ARHGEF7: variants seen among roughly 807,000 people sequenced by gnomAD.
ARHGEF7 encodes Rho guanine nucleotide exchange factor 7, also known as PAK-interacting exchange factor beta.
Under a neutral mutation model 109.8 loss-of-function variants are expected in ARHGEF7, and 33 were observed. That is an observed-to-expected ratio of 0.30 (90% confidence interval 0.23 to 0.40). ARHGEF7 has a LOEUF of 0.40. ARHGEF7 is among the 10% of genes least tolerant of loss of function. The pLI is 1.00. For synonymous variants in ARHGEF7, 458 were observed against 424.6 expected (o/e 1.08, Z -0.97); for missense variants, 938 against 1,098.5 (o/e 0.85, Z 2.07).
intron 1 of ARHGEF7, among the ~76,000 whole-genome samples, chr13:111,120,871 G>A (rs1414415107): frequency 6.6e-6 from 1 of 152,222 alleles, no homozygotes; most frequent in African/African-American, 2.4e-5. Context: ...AGGTCATCTG[G>A]CTGCACTCGG....
intron 3 of ARHGEF7, among the ~76,000 whole-genome samples, chr13:111,208,080 G>T (rs2082095443): frequency 6.6e-6 from 1 of 152,182 alleles, no homozygotes; most frequent in Admixed American, 6.5e-5. Flanking sequence ...CGTTCTTGTT[G>T]CCCAGGCTGG....
At chr13:111,169,260 A>G (rs1230483609) in intron 2 of ARHGEF7, among the ~76,000 whole-genome samples, 7 of 152,240 alleles carry the variant, frequency 4.6e-5, no homozygotes, top group East Asian at 1.9e-4. Context: ...TCACATGGCT[A>G]TAAATACCTG....
chr13:111,133,761 CTTTATATA>C (rs1954850587), intron 1 of ARHGEF7, among the ~76,000 whole-genome samples: 3 of 73,356 alleles, frequency 4.1e-5, no homozygotes, highest in Non-Finnish European at 7.6e-5. Context: ...ATCTGCTTTT[CTTTATATA>C]TATATATATA....
intron 2 of ARHGEF7, among the ~76,000 whole-genome samples, chr13:111,169,258 C>A (rs1188062052): frequency 6.6e-6 from 1 of 152,162 alleles, no homozygotes; most frequent in East Asian, 1.9e-4. Flanking sequence ...TCTCACATGG[C>A]TATAAATACC....
intron 1 of ARHGEF7, among the ~76,000 whole-genome samples, 184 bp downstream of exon 1, chr13:111,115,875 G>C (rs1184562418): frequency 6.7e-6 from 1 of 150,112 alleles, no homozygotes; most frequent in Non-Finnish European, 1.5e-5. Flanking sequence ...TTGTGTGCGG[G>C]GCAGGGGGAG....
intron 2 of ARHGEF7, among the ~76,000 whole-genome samples, chr13:111,169,759 C>T (rs554085173): frequency 1.3e-5 from 2 of 152,298 alleles, no homozygotes; most frequent in African/African-American, 4.8e-5. Flanking sequence ...CAGTAATGAA[C>T]ATTTAATGAT....
chr13:111,292,490 G>C (rs1442053116), intron 19 of ARHGEF7, 196 bp downstream of exon 19: 1 of 1,434,584 alleles, frequency 7.0e-7, no homozygotes. Context: ...CTTAACTGCC[G>C]ATGCGAGTAT....
At chr13:111,292,070 T>C (rs745940298) in intron 18 of ARHGEF7, 48 bp from the exon 19 acceptor site, 1 of 1,543,386 alleles carries the variant, frequency 6.5e-7, no homozygotes, top group South Asian at 1.1e-5. Flanking sequence ...GTCGTTCTCC[T>C]CCTCACCCCC....
At chr13:111,204,288 A>T (rs942208454) in intron 2 of ARHGEF7, among the ~76,000 whole-genome samples, 2 of 152,142 alleles carry the variant, frequency 1.3e-5, no homozygotes, top group Non-Finnish European at 2.9e-5. Flanking sequence ...TTGTCCACTG[A>T]TGCTTATTTC....
intron 2 of ARHGEF7, among the ~76,000 whole-genome samples, chr13:111,164,685 G>T (rs1441711183): frequency 6.6e-6 from 1 of 152,178 alleles, no homozygotes; most frequent in Non-Finnish European, 1.5e-5. Flanking sequence ...TATGGCCTAG[G>T]CCCCATTATG....
intron 3 of ARHGEF7, among the ~76,000 whole-genome samples, chr13:111,206,020 C>A (rs575112882): frequency 2.5e-4 from 38 of 152,100 alleles, no homozygotes; most frequent in Middle Eastern, 6.8e-3. Context: ...CTCCATGAGC[C>A]CTGAGGAGCT....
chr13:111,252,213 A>G (rs1274912249), intron 8 of ARHGEF7, among the ~76,000 whole-genome samples: 1 of 152,248 alleles, frequency 6.6e-6, no homozygotes, highest in Non-Finnish European at 1.5e-5. Flanking sequence ...AAAACCACCA[A>G]TAAACTTTTT....
chr13:111,142,082 T>C (rs901687952), intron 1 of ARHGEF7, among the ~76,000 whole-genome samples: 3 of 152,260 alleles, frequency 2.0e-5, no homozygotes, highest in Non-Finnish European at 4.4e-5. Context: ...TATATGATGT[T>C]GGATATCTTT....
At chr13:111,133,798 TA>T (rs2074936570) in intron 1 of ARHGEF7, among the ~76,000 whole-genome samples, 4 of 32,310 alleles carry the variant, frequency 1.2e-4, no homozygotes, top group African/African-American at 9.5e-5. Flanking sequence ...TATATATATA[TA>T]TATATATATA....
intron 2 of ARHGEF7, among the ~76,000 whole-genome samples, chr13:111,168,819 A>G (rs1486288518): frequency 2.0e-5 from 3 of 152,202 alleles, no homozygotes; most frequent in East Asian, 3.8e-4. Flanking sequence ...CTGTGTTGAG[A>G]GAATAGGTTC....
chr13:111,148,002 C>A (rs1205915483), intron 1 of ARHGEF7, among the ~76,000 whole-genome samples: 1 of 152,176 alleles, frequency 6.6e-6, no homozygotes, highest in African/African-American at 2.4e-5. Context: ...CAGCCGAGGT[C>A]ACCTTTTATG....
chr13:111,195,861 A>G (rs2075008217), intron 2 of ARHGEF7, among the ~76,000 whole-genome samples: 1 of 152,176 alleles, frequency 6.6e-6, no homozygotes, highest in Non-Finnish European at 1.5e-5. Context: ...TCTGAGGGCC[A>G]TGACTAAGGC....
At chr13:111,179,979 C>T (rs1052530798) in intron 2 of ARHGEF7, among the ~76,000 whole-genome samples, 2 of 152,162 alleles carry the variant, frequency 1.3e-5, no homozygotes, top group Non-Finnish European at 2.9e-5. Flanking sequence ...GTGCCTTTCC[C>T]TTTGTGCTTA....
intron 9 of ARHGEF7, among the ~76,000 whole-genome samples, chr13:111,271,689 T>C (rs1255670276): frequency 6.6e-6 from 1 of 152,220 alleles, no homozygotes; most frequent in Non-Finnish European, 1.5e-5. Context: ...TCGGAAGTAC[T>C]CTTGACAGTC....
Sources: allele counts gnomAD v4.1 joint callset (sites outside exome capture counted in the v4.1 genomes callset), GRCh38; gene constraint gnomAD v4.1.1; transcripts MANE v1.5; gene names NCBI Gene and HGNC (gene_info 2026-07-23, HGNC 2026-07-21).